LMBRD1: variants seen among roughly 807,000 people sequenced by gnomAD.
LMBRD1 encodes the protein lysosomal cobalamin transport escort protein LMBD1.
In LMBRD1, 64 loss-of-function variants were observed where a neutral mutation model predicts 74.8. The observed-to-expected ratio is 0.86, with a 90% CI of 0.70 to 1.05. The LOEUF is 1.05. Among genes scored for constraint, LMBRD1 ranks in the 50% least tolerant of loss-of-function variants. The pLI is 0.00. For synonymous variants in LMBRD1, 204 were observed against 216.3 expected (o/e 0.94, Z 0.50); for missense variants, 652 against 645.9 (o/e 1.01, Z -0.10).
At chr6:69,768,191 T>C (rs1157054221) in intron 3 of LMBRD1, among the ~76,000 whole-genome samples, 1 of 151,960 alleles carries the variant, frequency 6.6e-6, no homozygotes, top group Non-Finnish European at 1.5e-5. Flanking sequence ...ATAACAATTA[T>C]TGATATGGCT....
chr6:69,755,264 GT>G (rs1171631874), intron 3 of LMBRD1, among the ~76,000 whole-genome samples: 7 of 152,146 alleles, frequency 4.6e-5, no homozygotes, highest in African/African-American at 1.7e-4. Flanking sequence ...AAAAGAATAA[GT>G]TCATGTCCTT....
At chr6:69,747,253 C>T (rs1239133180) in intron 5 of LMBRD1, among the ~76,000 whole-genome samples, 1 of 152,064 alleles carries the variant, frequency 6.6e-6, no homozygotes, top group East Asian at 1.9e-4. Context: ...TCTCACTCTC[C>T]CCCTCCCCTT....
At chr6:69,694,706 TCTC>T (rs1453944759) in intron 14 of LMBRD1, among the ~76,000 whole-genome samples, 1 of 152,056 alleles carries the variant, frequency 6.6e-6, no homozygotes, top group Non-Finnish European at 1.5e-5. Context: ...AATCCCCAAT[TCTC>T]CTTCAGTTCT....
At chr6:69,690,864 TC>T (rs1765861330) in intron 14 of LMBRD1, among the ~76,000 whole-genome samples, 1 of 152,130 alleles carries the variant, frequency 6.6e-6, no homozygotes, top group African/African-American at 2.4e-5. Flanking sequence ...GTCCATACAA[TC>T]CTACTAAAAC....
intron 7 of LMBRD1, among the ~76,000 whole-genome samples, chr6:69,732,974 CCTT>C (rs1766893671): frequency 6.6e-6 from 1 of 151,932 alleles, no homozygotes; most frequent in African/African-American, 2.4e-5. Context: ...TGTTTGACCT[CCTT>C]CTCCTAAAGC....
chr6:69,696,750 T>C (rs1305564322), intron 14 of LMBRD1, among the ~76,000 whole-genome samples: 1 of 152,170 alleles, frequency 6.6e-6, no homozygotes, highest in Non-Finnish European at 1.5e-5. Flanking sequence ...CTGTACCTTA[T>C]ACTTGTTCCT....
Position 69,699,041 on chromosome 6 carries a change from A to C in LMBRD1, c.1338+2T>G, listed in dbSNP as rs147270670. ...TAATCAAGTTTCAAATATTTCACTT[A>C]CCTCTATTAAGTAATTTTGGCTTCC... On this transcript the variant is annotated splice_donor_variant, in intron 13 of 15. Transcript: ENST00000649934. LOFTEE classifies it high-confidence loss of function. 6.4e-7 allele frequency: 1 copy of C among 1,563,748 alleles called. No homozygotes were observed. Among genetic ancestry groups the C allele is most frequent in the Non-Finnish European group, 8.8e-7 (1 of 1,136,158 alleles).
chr6:69,696,609 C>T (rs1425694486), intron 14 of LMBRD1, among the ~76,000 whole-genome samples: 3 of 151,868 alleles, frequency 2.0e-5, no homozygotes, highest in African/African-American at 7.3e-5. Flanking sequence ...AACAGCCTTC[C>T]CTTGATGTGC....
chr6:69,769,054 T>C (rs1199331561), intron 3 of LMBRD1, among the ~76,000 whole-genome samples: 2 of 152,144 alleles, frequency 1.3e-5, no homozygotes, highest in Non-Finnish European at 1.5e-5. Context: ...GCTTCTTAGA[T>C]GGGTAGATTG....
At chr6:69,738,197 A>G (rs1199143351) in intron 6 of LMBRD1, among the ~76,000 whole-genome samples, 182 bp from the exon 7 acceptor site, 1 of 152,168 alleles carries the variant, frequency 6.6e-6, no homozygotes, top group Non-Finnish European at 1.5e-5. Flanking sequence ...GGACTCTTTA[A>G]AAATTGATTT....
At chr6:69,767,615 C>T (rs1487116367) in intron 3 of LMBRD1, among the ~76,000 whole-genome samples, 1 of 151,814 alleles carries the variant, frequency 6.6e-6, no homozygotes, top group Non-Finnish European at 1.5e-5. Context: ...TATAACCTAT[C>T]ATATAGTCTA....
chr6:69,740,830 A>G (rs916053918), intron 6 of LMBRD1, among the ~76,000 whole-genome samples: 1 of 152,192 alleles, frequency 6.6e-6, no homozygotes, highest in Non-Finnish European at 1.5e-5. Flanking sequence ...AGGAATTTTG[A>G]GTAATATGAT....
At chr6:69,770,257 C>T (rs1056535764) in intron 3 of LMBRD1, among the ~76,000 whole-genome samples, 1 of 152,194 alleles carries the variant, frequency 6.6e-6, no homozygotes, top group Admixed American at 6.5e-5. Flanking sequence ...GCTGTAGGTC[C>T]TCCCTGGACC....
At chr6:69,749,955 T>C (rs1379577065) in intron 4 of LMBRD1, among the ~76,000 whole-genome samples, 4 of 8,888 alleles carry the variant, frequency 4.5e-4, no homozygotes, top group African/African-American at 3.2e-3. Flanking sequence ...TATATAAGTA[T>C]ATATACACAT....
In LMBRD1 at chr6:69,743,645, C is replaced by A. The variant is rs1767155716; in HGVS notation, c.474-1768G>T. On this transcript the variant is annotated intron_variant, in intron 5 of 15. Coordinates refer to ENST00000649934, the MANE Select transcript of LMBRD1 (RefSeq NM_018368.4). ...TTAGGTATAAACGAAAGCACAAATT[C>A]AAAGCAGGTTCTTAAATTACTTTAC... Among the ~76,000 whole-genome samples the A allele has an allele frequency of 2.0e-5, 3 of 152,202 alleles. No homozygotes were observed. The South Asian group carries it at 6.2e-4, about 31-fold the overall frequency.
chr6:69,726,965 T>C (rs564618611), intron 7 of LMBRD1, among the ~76,000 whole-genome samples: 14 of 152,006 alleles, frequency 9.2e-5, no homozygotes, highest in Non-Finnish European at 1.6e-4. Flanking sequence ...AACAGCCTGG[T>C]CAACATGGTG....
In LMBRD1 at chr6:69,752,373, T is replaced by C. The variant is rs781348487; in HGVS notation, c.308-17A>G. On this transcript the variant is annotated splice_polypyrimidine_tract_variant and intron_variant, in intron 3 of 15. Coordinates refer to ENST00000649934, the MANE Select transcript of LMBRD1 (RefSeq NM_018368.4). ...AATATAAAGCTGTGGAAATAAATAATAAACCGAGCTTTACTAAATACATAT... is the reference window on the plus strand; with the variant it reads ...AATATAAAGCTGTGGAAATAAATAACAAACCGAGCTTTACTAAATACATAT... 1.3e-6 allele frequency: 2 copies of C among 1,583,660 alleles called. No individual in the cohort carries two copies. The highest frequency in any genetic ancestry group is 1.7e-6 in the Non-Finnish European group (2 of 1,153,694).
intron 8 of LMBRD1, among the ~76,000 whole-genome samples, chr6:69,717,772 A>C (rs1480518633): frequency 1.3e-5 from 2 of 152,192 alleles, no homozygotes; most frequent in Non-Finnish European, 2.9e-5. Flanking sequence ...ATCATGGATC[A>C]CTGCAGCCGC....
intron 8 of LMBRD1, among the ~76,000 whole-genome samples, chr6:69,716,153 T>G (rs1365859349): frequency 6.6e-6 from 1 of 152,200 alleles, no homozygotes; most frequent in African/African-American, 2.4e-5. Flanking sequence ...TTGCTGGGGT[T>G]GGATGGTAGT....
Sources: gnomAD v4.1 joint callset for allele counts (sites outside exome capture counted in the v4.1 genomes callset) on GRCh38, gnomAD v4.1.1 for gene constraint, MANE v1.5 for transcripts, NCBI Gene and HGNC (gene_info 2026-07-23, HGNC 2026-07-21) for gene names.